PRUNE2: variants seen among roughly 807,000 people sequenced by gnomAD.
PRUNE2 encodes protein prune homolog 2.
A neutral mutation model predicts 252.0 loss-of-function variants in PRUNE2; 164 were observed. That is an observed-to-expected ratio of 0.65 (90% CI 0.57 to 0.74). The LOEUF (loss-of-function observed/expected upper bound fraction) is 0.74. PRUNE2 is among the 30% of genes least tolerant of loss of function. The pLI, the probability that PRUNE2 is intolerant of heterozygous loss-of-function variation, is 0.00. For missense variants in PRUNE2, 3,495 were observed against 3,711.0 expected (o/e 0.94, Z 1.51); for synonymous variants, 1,292 against 1,350.2 (o/e 0.96, Z 0.94).
chr9:76,808,880 A>G (rs2057162036), intron 6 of PRUNE2: 1 of 152,310 alleles, frequency 6.6e-6, no homozygotes, highest in East Asian at 1.9e-4. Flanking sequence ...GTCTTTGTAC[A>G]GCATGAGTCA....
intron 6 of PRUNE2, among the ~76,000 whole-genome samples, chr9:76,766,282 G>T (rs1191053128): frequency 6.6e-6 from 1 of 151,838 alleles, no homozygotes; most frequent in Non-Finnish European, 1.5e-5. Context: ...AAAAGCTTCA[G>T]GGGATACCAT....
rs1204216048 is a variant in PRUNE2, at chr9:76,708,723, T to A, written c.3551A>T (p.Gln1184Leu). 1 of 1,614,008 alleles carries A rather than the reference T, an allele frequency of 6.2e-7. No homozygotes were observed. The highest frequency in any genetic ancestry group is 1.6e-4 in the Middle Eastern group (1 of 6,062). Residue 1184 changes from glutamine (Q) to leucine (L), a missense_variant, in exon 8 of 19, where the codon CAG becomes CTG. Transcript: ENST00000376718. Reference protein sequence around the residue: ...PWGLEYQEANQVDWELPASDE... With the variant: ...PWGLEYQEANLVDWELPASDE... ...AGAGGCAGGGAGCTCCCAATCTACC[T>A]GATTTGCTTCCTGATACTCCAAGCC...
intron 4 of PRUNE2, among the ~76,000 whole-genome samples, chr9:76,831,679 T>C (rs2058684644): frequency 6.6e-6 from 1 of 152,088 alleles, no homozygotes; most frequent in Non-Finnish European, 1.5e-5. Flanking sequence ...AACACTTATT[T>C]AGTATACAGC....
At chr9:76,728,706 A>G (rs1305656614) in intron 6 of PRUNE2, among the ~76,000 whole-genome samples, 1 of 152,216 alleles carries the variant, frequency 6.6e-6, no homozygotes, top group African/African-American at 2.4e-5. Context: ...GTAGTGCTTA[A>G]AAGAATAGGC....
intron 6 of PRUNE2, among the ~76,000 whole-genome samples, chr9:76,808,076 G>A (rs539788940): frequency 1.3e-3 from 194 of 152,304 alleles, no homozygotes; most frequent in South Asian, 2.5e-3. Flanking sequence ...TACTCGGGAG[G>A]CTGAGGCAGG....
chr9:76,761,459 CT>C (rs956821956), intron 6 of PRUNE2, among the ~76,000 whole-genome samples: 7 of 152,144 alleles, frequency 4.6e-5, no homozygotes, highest in African/African-American at 1.4e-4. Flanking sequence ...GTTTAGGGGC[CT>C]TTAATCCCCA....
At chr9:76,854,418 T>A (rs6560555) in intron 1 of PRUNE2, among the ~76,000 whole-genome samples, 2 of 152,014 alleles carry the variant, frequency 1.3e-5, no homozygotes, top group African/African-American at 4.8e-5. Context: ...GTAAACTTTC[T>A]GGAAGAGAAA....
intron 1 of PRUNE2, among the ~76,000 whole-genome samples, chr9:76,902,200 C>A (rs538385329): frequency 2.0e-5 from 3 of 152,286 alleles, no homozygotes; most frequent in Admixed American, 2.0e-4. Flanking sequence ...CCATTTACTG[C>A]CATGAGACTG....
chr9:76,626,441 G>A (rs1347267669), intron 16 of PRUNE2, among the ~76,000 whole-genome samples: 1 of 151,984 alleles, frequency 6.6e-6, no homozygotes, highest in Non-Finnish European at 1.5e-5. Flanking sequence ...AGGTGATGAA[G>A]GTCAGTAACA....
At chr9:76,881,018 T>A (rs1015131816) in intron 1 of PRUNE2, among the ~76,000 whole-genome samples, 7 of 151,072 alleles carry the variant, frequency 4.6e-5, no homozygotes, top group African/African-American at 1.7e-4. Context: ...TGGAGTGCAG[T>A]TGTGTGGTCT....
At chr9:76,721,916 A>C (rs951838608) in intron 6 of PRUNE2, among the ~76,000 whole-genome samples, 2 of 152,250 alleles carry the variant, frequency 1.3e-5, no homozygotes, top group African/African-American at 4.8e-5. Flanking sequence ...ATAAAGTCTG[A>C]TAATTTTGAC....
At chr9:76,774,571 GTC>G (rs1270004908) in intron 6 of PRUNE2, among the ~76,000 whole-genome samples, 1 of 146,988 alleles carries the variant, frequency 6.8e-6, no homozygotes, top group Non-Finnish European at 1.5e-5. Flanking sequence ...CAATTCTCCT[GTC>G]TCAGCCTCCC....
At chr9:76,875,451 C>T (rs752494254) in intron 1 of PRUNE2, among the ~76,000 whole-genome samples, 8 of 152,112 alleles carry the variant, frequency 5.3e-5, no homozygotes, top group Admixed American at 2.0e-4. Context: ...CTGCAACCTC[C>T]GCCTCCCAGG....
chr9:76,701,767 T>C (rs118109293), intron 9 of PRUNE2, among the ~76,000 whole-genome samples: 1,748 of 152,324 alleles, frequency 0.011, 32 homozygotes, highest in East Asian at 0.086. Context: ...CTTTCCATTG[T>C]CCTTGTTCCT....
chr9:76,802,711 C>G (rs571022847), intron 6 of PRUNE2, among the ~76,000 whole-genome samples: 3 of 152,108 alleles, frequency 2.0e-5, no homozygotes, highest in African/African-American at 7.2e-5. Context: ...ACAAATTAAT[C>G]TCAATTAAAT....
At chr9:76,904,262 G>A (rs561011666) in intron 1 of PRUNE2, among the ~76,000 whole-genome samples, 1 of 151,802 alleles carries the variant, frequency 6.6e-6, no homozygotes, top group South Asian at 2.1e-4. Context: ...TAGAGCAATT[G>A]CTCGTCTAAT....
chr9:76,776,881 T>A (rs1462034620), intron 6 of PRUNE2, among the ~76,000 whole-genome samples: 4 of 136,398 alleles, frequency 2.9e-5, no homozygotes, highest in African/African-American at 1.1e-4. Context: ...TCTTTCTCAT[T>A]ACCAAAACAC....
intron 16 of PRUNE2, among the ~76,000 whole-genome samples, 170 bp from the exon 17 acceptor site, chr9:76,624,660 C>A (rs986225926): frequency 6.6e-6 from 1 of 152,182 alleles, no homozygotes; most frequent in Non-Finnish European, 1.5e-5. Context: ...GTTGTCATTG[C>A]CTCCCATTCA....
In PRUNE2 at chr9:76,708,562, A is replaced by G. The variant is rs2046472003; in HGVS notation, c.3712T>C (p.Ser1238Pro). The change falls in exon 8 of 19, where the codon TCA becomes CCA. Residue 1238 changes from serine (S) to proline (P), a missense_variant. Ser to Pro is a moderately conservative substitution (Grantham distance 74, BLOSUM62 -1). Coordinates refer to ENST00000376718, the MANE Select transcript of PRUNE2 (RefSeq NM_015225.3). The stretch of plus-strand genomic sequence containing the variant: ...CTTTGCTCTGAATCTGTGATATGTG[A>G]GGAGCCTGGTAACATGAATGATGAC... ...DMSSFMLPGSSHITDSEQREL... is the reference protein window; with the variant it reads ...DMSSFMLPGSPHITDSEQREL... The G allele has an allele frequency of 1.2e-6, 2 of 1,613,810 alleles. No homozygotes were observed. Among genetic ancestry groups the G allele is most frequent in the Non-Finnish European group, 1.7e-6 (2 of 1,179,872 alleles).
Sources: allele counts gnomAD v4.1 joint callset (sites outside exome capture counted in the v4.1 genomes callset), GRCh38; gene constraint gnomAD v4.1.1; transcripts MANE v1.5; gene names NCBI Gene and HGNC (gene_info 2026-07-23, HGNC 2026-07-21).